Variants in PCDHGC3 observed in about 807,000 individuals in gnomAD.
The protein encoded by PCDHGC3 is protocadherin gamma-C3.
In PCDHGC3, 26 loss-of-function variants were observed where a neutral mutation model predicts 59.2. That is an observed-to-expected ratio of 0.44 (90% CI 0.32 to 0.61). The LOEUF is 0.61. Among genes scored for constraint, PCDHGC3 ranks in the 20% least tolerant of loss-of-function variants. PCDHGC3 has a pLI of 0.05. For synonymous variants in PCDHGC3, 487 were observed against 519.7 expected, an observed-to-expected ratio of 0.94 and a Z score of 0.86; for missense variants, 1,080 against 1,221.8, an observed-to-expected ratio of 0.88 and a Z score of 1.73.
chr5:141,496,723 T>G (rs1312615861), intron 2 of PCDHGC3, among the ~76,000 whole-genome samples: 3 of 152,212 alleles, frequency 2.0e-5, no homozygotes, highest in Non-Finnish European at 4.4e-5. Context: ...AAGTCATTAA[T>G]GTATTCATTC....
chr5:141,476,978 C>A lies in PCDHGC3; in HGVS notation c.862C>A (p.Arg288Ser), dbSNP rs1468851988. The A allele has an allele frequency of 2.5e-6, 4 of 1,614,138 alleles. No individual in the cohort carries two copies. Among genetic ancestry groups the A allele is most frequent in the Admixed American group, 3.3e-5 (2 of 60,012 alleles). Residue 288 changes from arginine (R) to serine (S), a missense_variant, in exon 1 of 4, where the codon CGC (arginine) becomes AGC (serine). Transcript: ENST00000308177. This position sits in a 1 kb window ranked among gnomAD's most constrained non-coding sequence, Gnocchi z 7.6. ...TATTTACTCCTTCGGCAGCCACAAC[C>A]GCGCCGGCGTGCGGCAACTATTCGC... ...EIIYSFGSHN[R>S]AGVRQLFALD... is the part of the protein sequence containing the mutation.
Position 141,490,013 on chromosome 5 carries a change from G to A in PCDHGC3, c.2431-4794G>A. 6.2e-7 allele frequency: 1 copy of A among 1,614,206 alleles called. No individual in the cohort carries two copies. The highest frequency in any genetic ancestry group is 1.1e-5 in the South Asian group (1 of 91,088). Reference sequence around the variant, plus strand: ...GGAATCCCAGAGAATGCACCCATTGGTACTCTGCTGCTCCGCCTCAATGCC... The same window carrying A: ...GGAATCCCAGAGAATGCACCCATTGATACTCTGCTGCTCCGCCTCAATGCC... On this transcript the variant is annotated intron_variant, in intron 1 of 3. Transcript: ENST00000308177. This position sits in a 1 kb window ranked among gnomAD's most constrained non-coding sequence, Gnocchi z 5.4.
At position 141,485,562 on chromosome 5, in the gene PCDHGC3, C is replaced by T. The variant is rs779890454; in HGVS notation, c.2430+7016C>T. 2.5e-6 allele frequency: 4 copies of T among 1,612,910 alleles called. No homozygotes were observed. Among genetic ancestry groups the T allele is most frequent in the Admixed American group, 1.7e-5 (1 of 59,996 alleles). On this transcript the variant is annotated intron_variant, in intron 1 of 3. Transcript: ENST00000308177. The surrounding 1 kb of genome is among the most constrained non-coding windows in gnomAD (Gnocchi z 5.7). ...GAGATCGTAGATGTGAATGATCACG[C>T]CCCCCGTTTTCCGCGGCAGCAGCTG... is the stretch of plus-strand genomic sequence containing the variant.
In PCDHGC3 at chr5:141,511,112, G is replaced by C. The variant is rs767257788; in HGVS notation, c.2744G>C (p.Gly915Ala). The change falls in exon 4 of 4, where the codon GGC becomes GCC. Residue 915 changes from glycine (G) to alanine (A), a missense_variant. Coordinates refer to ENST00000308177, the MANE Select transcript of PCDHGC3 (RefSeq NM_002588.4). ...TLTNAAGKRD[G>A]KAPAGGNGNK... The stretch of plus-strand genomic sequence containing the variant: ...ACCAACGCAGCTGGCAAGCGGGATG[G>C]CAAGGCCCCAGCAGGTGGCAATGGC... The C allele has an allele frequency of 4.3e-6, 7 of 1,614,232 alleles. No homozygotes were observed. Among genetic ancestry groups the C allele is most frequent in the Non-Finnish European group, 5.9e-6 (7 of 1,180,024 alleles).
intron 1 of PCDHGC3, chr5:141,478,920 CCAGTGG>C: frequency 2.7e-6 from 2 of 728,392 alleles, no homozygotes; most frequent in South Asian, 4.5e-5. Flanking sequence ...ATACCTCTAA[CCAGTGG>C]CAGCTTCTAG....
rs1176011355 is a variant in PCDHGC3 at position 141,485,491 on chromosome 5, G to A, written c.2430+6945G>A. The A allele has an allele frequency of 1.2e-6, 2 of 1,614,142 alleles. No individual in the cohort carries two copies. Among genetic ancestry groups the A allele is most frequent in the Non-Finnish European group, 1.7e-6 (2 of 1,180,040 alleles). On this transcript the variant is annotated intron_variant, in intron 1 of 3. Transcript: ENST00000308177. This position sits in a 1 kb window ranked among gnomAD's most constrained non-coding sequence, Gnocchi z 5.7. ...TCAGTGCCAGCTGCATCGTGCCCCT[G>A]GAGTTTGTCACCGAAGGTCCTTTGG...
chr5:141,491,895 A>C lies in PCDHGC3; in HGVS notation c.2431-2912A>C. 1.4e-6 allele frequency: 2 copies of C among 1,434,306 alleles called. No individual in the cohort carries two copies. The highest frequency in any genetic ancestry group is 1.8e-6 in the Non-Finnish European group (2 of 1,084,904). 88.8% of individuals were successfully genotyped at this position (1,434,306 alleles called of 1,614,324 possible). Reference sequence around the variant, plus strand: ...CCGATTAAGGGATGGGGCTCCGAGCACCGGGGGTGGTGGCGACTGTGGGCG... The same window carrying C: ...CCGATTAAGGGATGGGGCTCCGAGCCCCGGGGGTGGTGGCGACTGTGGGCG... On this transcript the variant is annotated intron_variant, in intron 1 of 3. Transcript: ENST00000308177. The surrounding 1 kb of genome is among the most constrained non-coding windows in gnomAD (Gnocchi z 6.9).
In PCDHGC3 at chr5:141,487,762, T is replaced by C; in HGVS notation, c.2431-7045T>C. 6.5e-7 allele frequency: 1 copy of C among 1,545,432 alleles called. No homozygotes were observed. The highest frequency in any genetic ancestry group is 8.8e-7 in the Non-Finnish European group (1 of 1,142,332). ...TAAGAGGTAACTATGTGGTAGACGC[T>C]GTGCTTTGTAACTGTTTCGTGAATT... On this transcript the variant is annotated intron_variant, in intron 1 of 3. Coordinates refer to ENST00000308177, the MANE Select transcript of PCDHGC3 (RefSeq NM_002588.4). The surrounding 1 kb of genome is among the most constrained non-coding windows in gnomAD (Gnocchi z 5.0).
At position 141,489,068 on chromosome 5, in the gene PCDHGC3, G is replaced by GGCCCC; in HGVS notation, c.2431-5739_2431-5738insGCCCC. On this transcript the variant is annotated intron_variant, in intron 1 of 3. Coordinates refer to ENST00000308177, the MANE Select transcript of PCDHGC3 (RefSeq NM_002588.4). This position sits in a 1 kb window ranked among gnomAD's most constrained non-coding sequence, Gnocchi z 4.5. ...CTCAAATTCAGCTCCCCTCCCCCCT[G>GGCCCC]CCCACCCCCGCCACTCGGTGACTAA... 3.4e-6 allele frequency: 1 copy of GGCCCC among 291,558 alleles called. No individual in the cohort carries two copies. 18.1% of individuals were successfully genotyped at this position (291,558 alleles called of 1,614,324 possible). A position where few individuals can be genotyped will look rare whatever the true frequency, so the allele number is the denominator to read the frequency against.
At position 141,487,448 on chromosome 5, in the gene PCDHGC3, C is replaced by T; in HGVS notation, c.2431-7359C>T. The stretch of plus-strand genomic sequence containing the variant: ...CCGAATCCAGCTAGGGTCAGATGAC[C>T]CTATCAAGTTTGTTGATGTGGGAGG... On this transcript the variant is annotated intron_variant, in intron 1 of 3. Coordinates refer to ENST00000308177, the MANE Select transcript of PCDHGC3 (RefSeq NM_002588.4). The surrounding 1 kb of genome is among the most constrained non-coding windows in gnomAD (Gnocchi z 5.0). 6.8e-6 allele frequency: 11 copies of T among 1,614,146 alleles called. No individual in the cohort carries two copies. The highest frequency in any genetic ancestry group is 9.3e-6 in the Non-Finnish European group (11 of 1,180,028).
Position 141,485,778 on chromosome 5 carries a change from G to C in PCDHGC3, c.2430+7232G>C. 1 of 1,614,216 alleles carries C rather than the reference G, an allele frequency of 6.2e-7. No homozygotes were observed. Among genetic ancestry groups the C allele is most frequent in the Non-Finnish European group, 8.5e-7 (1 of 1,180,048 alleles). On this transcript the variant is annotated intron_variant, in intron 1 of 3. Transcript: ENST00000308177. The surrounding 1 kb of genome is among the most constrained non-coding windows in gnomAD (Gnocchi z 5.7). ...CTGCTCCTGGAGAAGCCTTTGGATCGAGAGAAGCAATCGGACTACCGCCTG... is the reference window on the plus strand; with the variant it reads ...CTGCTCCTGGAGAAGCCTTTGGATCCAGAGAAGCAATCGGACTACCGCCTG...
In PCDHGC3 at chr5:141,512,022, C is replaced by T. The variant is rs2154594692; in HGVS notation, c.*849C>T. The T allele has an allele frequency of 6.5e-6, 1 of 152,990 alleles. No individual in the cohort carries two copies. The highest frequency in any genetic ancestry group is 1.9e-4 in the East Asian group (1 of 5,186). The allele number at this position is 152,990 out of a possible 1,614,324, so 9.5% of individuals were successfully genotyped here. A position where few individuals can be genotyped will look rare whatever the true frequency, so the allele number is the denominator to read the frequency against. The stretch of plus-strand genomic sequence containing the variant: ...AGCTTGACACATCAAGTTATCAAGG[C>T]CTTGGAGGAGGCTCTGTATGTCCTC... On this transcript the variant is annotated 3_prime_UTR_variant, in exon 4 of 4. Transcript: ENST00000308177.
rs767577725 is a variant in PCDHGC3 at position 141,485,642 on chromosome 5, G to T, written c.2430+7096G>T. 4.3e-6 allele frequency: 7 copies of T among 1,612,162 alleles called. No homozygotes were observed. The highest frequency in any genetic ancestry group is 1.7e-5 in the Admixed American group (1 of 59,938). ...AGGACAGCGTTTCCCGTTGGAAAAGGCTCAGGATGCAGATGTGGGGAGCAA... is the reference window on the plus strand; with the variant it reads ...AGGACAGCGTTTCCCGTTGGAAAAGTCTCAGGATGCAGATGTGGGGAGCAA... On this transcript the variant is annotated intron_variant, in intron 1 of 3. Coordinates refer to ENST00000308177, the MANE Select transcript of PCDHGC3 (RefSeq NM_002588.4). This position sits in a 1 kb window ranked among gnomAD's most constrained non-coding sequence, Gnocchi z 5.7.
In PCDHGC3 at chr5:141,511,318, A is replaced by C; in HGVS notation, c.*145A>C. 2 of 1,476,400 alleles carry C rather than the reference A, an allele frequency of 1.4e-6. No homozygotes were observed. Among genetic ancestry groups the C allele is most frequent in the South Asian group, 2.7e-5 (2 of 72,796 alleles). 91.5% of individuals were successfully genotyped at this position (1,476,400 alleles called of 1,614,324 possible). On this transcript the variant is annotated 3_prime_UTR_variant, in exon 4 of 4. Transcript: ENST00000308177. The stretch of plus-strand genomic sequence containing the variant: ...GCCATGCTCCCCTTGGGAAACAGAA[A>C]CAAGTGCCCAGTCAGCACCTACCCC...
At chr5:141,502,621 A>G (rs918589202) in intron 2 of PCDHGC3, among the ~76,000 whole-genome samples, 3 of 152,162 alleles carry the variant, frequency 2.0e-5, no homozygotes, top group African/African-American at 7.2e-5. Context: ...AAATATAAGT[A>G]ATCTGTGGAT....
rs778052844 is a variant in PCDHGC3, at chr5:141,486,259, T to C, written c.2430+7713T>C. ...CAGAGCTTGGAACCCTCCCCGAGAG[T>C]GCAGAACCTGGCACTGTGGTGGCAC... is the stretch of plus-strand genomic sequence containing the variant. On this transcript the variant is annotated intron_variant, in intron 1 of 3. Coordinates refer to ENST00000308177, the MANE Select transcript of PCDHGC3 (RefSeq NM_002588.4). This position sits in a 1 kb window ranked among gnomAD's most constrained non-coding sequence, Gnocchi z 5.0. 1 of 1,613,204 alleles carries C rather than the reference T, an allele frequency of 6.2e-7. No individual in the cohort carries two copies. The highest frequency in any genetic ancestry group is 8.5e-7 in the Non-Finnish European group (1 of 1,179,716).
chr5:141,484,940 G>C, intron 1 of PCDHGC3: 1 of 541,138 alleles, frequency 1.8e-6, no homozygotes, highest in Non-Finnish European at 3.3e-6. Flanking sequence ...GACGTTCTCT[G>C]CTCAGCCTAT....
In PCDHGC3 at chr5:141,499,676, C is replaced by G. The variant is rs534287777; in HGVS notation, c.2489+4811C>G. On this transcript the variant is annotated intron_variant, in intron 2 of 3. Coordinates refer to ENST00000308177, the MANE Select transcript of PCDHGC3 (RefSeq NM_002588.4). Reference sequence around the variant, plus strand: ...ATAATTTCATCTTGGTCTCCACCATCTTTAACAGATGACTTTTTTTTTTTT... The same window carrying G: ...ATAATTTCATCTTGGTCTCCACCATGTTTAACAGATGACTTTTTTTTTTTT... Among the ~76,000 whole-genome samples, 13 of 144,474 alleles carry G rather than the reference C, an allele frequency of 9.0e-5. No homozygotes were observed. In the South Asian group the frequency reaches 2.9e-3, roughly 33 times the overall value. The allele number at this position is 144,474 out of a possible 152,430, so 94.8% of individuals were successfully genotyped here.
intron 3 of PCDHGC3, among the ~76,000 whole-genome samples, chr5:141,509,686 G>A (rs1350812680): frequency 6.6e-6 from 1 of 152,212 alleles, no homozygotes; most frequent in Non-Finnish European, 1.5e-5. Flanking sequence ...CTTCTGTACA[G>A]TGGGACGTTG....
Sources: gnomAD v4.1 joint callset for allele counts (sites outside exome capture counted in the v4.1 genomes callset) on GRCh38, gnomAD v4.1.1 for gene constraint, Gnocchi (gnomAD v3.1) non-coding constraint, MANE v1.5 for transcripts, NCBI Gene and HGNC (gene_info 2026-07-23, HGNC 2026-07-21) for gene names.